NRG3: variants seen among roughly 807,000 people sequenced by gnomAD.
NRG3 encodes the protein neuregulin 3.
A neutral mutation model predicts 66.9 loss-of-function variants in NRG3; 31 were observed. The observed-to-expected ratio is 0.46, with a 90% CI of 0.35 to 0.63. The LOEUF (loss-of-function observed/expected upper bound fraction) is 0.63, where lower values mean the gene tolerates loss of function less well. Ranked by LOEUF, NRG3 falls within the 20% of genes least tolerant of loss-of-function variation. NRG3 has a pLI of 0.00. For synonymous variants in NRG3, 393 were observed against 359.4 expected (o/e 1.09, Z -1.06); for missense variants, 910 against 878.9 (o/e 1.04, Z -0.45).
intron 1 of NRG3, among the ~76,000 whole-genome samples, chr10:82,071,303 C>G (rs1479680421): frequency 2.0e-5 from 3 of 152,038 alleles, no homozygotes; most frequent in Non-Finnish European, 4.4e-5. Flanking sequence ...GTGAGGAGTG[C>G]CATTGAGAAA....
intron 1 of NRG3, among the ~76,000 whole-genome samples, chr10:81,886,797 A>C (rs1050039485): frequency 1.1e-4 from 17 of 152,118 alleles, no homozygotes; most frequent in Non-Finnish European, 2.4e-4. Flanking sequence ...TTTGGTATAT[A>C]ATTTTTATCT....
intron 1 of NRG3, among the ~76,000 whole-genome samples, chr10:82,345,572 TTAAAG>T (rs1354892563): frequency 6.6e-6 from 1 of 151,498 alleles, no homozygotes; most frequent in Non-Finnish European, 1.5e-5. Context: ...CATATGAACT[TTAAAG>T]TAGTTTTTTC....
chr10:82,163,075 C>A (rs2071731319), intron 1 of NRG3, among the ~76,000 whole-genome samples: 1 of 152,074 alleles, frequency 6.6e-6, no homozygotes, highest in African/African-American at 2.4e-5. Context: ...CCATTCAGGC[C>A]AGCAAAAGAG....
intron 1 of NRG3, among the ~76,000 whole-genome samples, chr10:82,055,327 A>G (rs1177149138): frequency 6.6e-6 from 1 of 151,896 alleles, no homozygotes; most frequent in Admixed American, 6.6e-5. Flanking sequence ...ATACAAAAAA[A>G]ATAGCCAGGC....
At chr10:82,683,311 C>T (rs2054260058) in intron 2 of NRG3, among the ~76,000 whole-genome samples, 1 of 151,874 alleles carries the variant, frequency 6.6e-6, no homozygotes. Flanking sequence ...TTCTTCCTTC[C>T]TCCCTCCCTT....
intron 1 of NRG3, among the ~76,000 whole-genome samples, chr10:82,354,536 G>A (rs935485096): frequency 5.9e-5 from 9 of 151,916 alleles, no homozygotes; most frequent in African/African-American, 2.2e-4. Flanking sequence ...GAATACAGGT[G>A]CCTGCCACCA....
intron 1 of NRG3, among the ~76,000 whole-genome samples, chr10:81,961,482 AAT>A (rs1850356819): frequency 0.028 from 1 of 36 alleles, no homozygotes; most frequent in African/African-American, 0.17. Context: ...TAAAGGAATT[AAT>A]GAACTAATGA....
intron 4 of NRG3, among the ~76,000 whole-genome samples, chr10:82,895,390 G>C (rs889999771): frequency 6.6e-6 from 1 of 151,784 alleles, no homozygotes; most frequent in Non-Finnish European, 1.5e-5. Flanking sequence ...GCTAATCATA[G>C]AGAAGGCATA....
At chr10:82,004,579 A>G (rs1232722436) in intron 1 of NRG3, among the ~76,000 whole-genome samples, 1 of 152,244 alleles carries the variant, frequency 6.6e-6, no homozygotes, top group Non-Finnish European at 1.5e-5. Context: ...ATGATTTGAC[A>G]TCAGCACTGG....
At chr10:82,436,221 C>T (rs1300566126) in intron 2 of NRG3, among the ~76,000 whole-genome samples, 1 of 152,164 alleles carries the variant, frequency 6.6e-6, no homozygotes, top group East Asian at 1.9e-4. Flanking sequence ...CTGGGTGCTC[C>T]TGTATTGGGT....
chr10:82,234,196 C>T (rs11598813), intron 1 of NRG3, among the ~76,000 whole-genome samples: 11,504 of 152,182 alleles, frequency 0.076, 506 homozygotes, highest in Non-Finnish European at 0.11. Flanking sequence ...TAATTTTTTT[C>T]ACTCTTCTTT....
intron 3 of NRG3, among the ~76,000 whole-genome samples, chr10:82,765,735 A>G (rs2059489331): frequency 6.6e-6 from 1 of 152,178 alleles, no homozygotes; most frequent in African/African-American, 2.4e-5. Context: ...CCAAAATGAT[A>G]ATAATGTGGT....
chr10:81,903,993 TA>T (rs1413673001), intron 1 of NRG3, among the ~76,000 whole-genome samples: 523 of 101,036 alleles, frequency 5.2e-3, no homozygotes, highest in African/African-American at 0.019. Context: ...TATATATATA[TA>T]TATTTTTTTT....
intron 2 of NRG3, among the ~76,000 whole-genome samples, chr10:82,402,479 C>T (rs2087176744): frequency 6.6e-6 from 1 of 152,154 alleles, no homozygotes; most frequent in African/African-American, 2.4e-5. Flanking sequence ...GTTGCTCAAG[C>T]AGGTTCCTCA....
intron 1 of NRG3, among the ~76,000 whole-genome samples, chr10:81,954,511 A>G (rs1031081318): frequency 2.6e-4 from 39 of 152,174 alleles, no homozygotes; most frequent in African/African-American, 8.9e-4. Context: ...AAACTACAAG[A>G]AAACAAGCTG....
intron 2 of NRG3, among the ~76,000 whole-genome samples, chr10:82,430,162 T>TC (rs2089702676): frequency 2.0e-5 from 3 of 152,202 alleles, no homozygotes; most frequent in African/African-American, 7.2e-5. Context: ...TTCTAGTAAG[T>TC]CCATCATCTA....
intron 1 of NRG3, among the ~76,000 whole-genome samples, chr10:81,891,477 A>G (rs936271701): frequency 1.3e-5 from 2 of 152,152 alleles, no homozygotes; most frequent in African/African-American, 4.8e-5. Context: ...TTCCACTTAG[A>G]TGCTCTGCCA....
intron 3 of NRG3, among the ~76,000 whole-genome samples, chr10:82,848,868 T>C (rs1263253037): frequency 6.6e-6 from 1 of 152,190 alleles, no homozygotes; most frequent in Non-Finnish European, 1.5e-5. Flanking sequence ...CCTGCCGCCA[T>C]GTAAGATGTG....
chr10:82,166,323 T>A (rs967963051), intron 1 of NRG3, among the ~76,000 whole-genome samples: 2 of 152,314 alleles, frequency 1.3e-5, no homozygotes, highest in African/African-American at 4.8e-5. Flanking sequence ...CCGGCCTGAT[T>A]GAATTTTTTA....
Sources: gnomAD v4.1 joint callset for allele counts (sites outside exome capture counted in the v4.1 genomes callset) on GRCh38, gnomAD v4.1.1 for gene constraint, MANE v1.5 for transcripts, NCBI Gene and HGNC (gene_info 2026-07-23, HGNC 2026-07-21) for gene names.